ACTN1: variants seen among roughly 807,000 people sequenced by gnomAD.
ACTN1 encodes the protein actinin alpha 1.
In ACTN1, 30 loss-of-function variants were observed where a neutral mutation model predicts 119.6. The ratio of observed to expected loss-of-function variants is 0.25; its 90% CI spans 0.19 to 0.34. The LOEUF (loss-of-function observed/expected upper bound fraction) is 0.34. ACTN1 is among the 10% of genes least tolerant of loss of function. ACTN1 has a pLI of 1.00. For synonymous variants in ACTN1, 429 were observed against 472.6 expected, an observed-to-expected ratio of 0.91 and a Z score of 1.20; for missense variants, 764 against 1,223.4, an observed-to-expected ratio of 0.62 and a Z score of 5.60.
chr14:68,979,291 T>C lies in ACTN1; in HGVS notation c.-235A>G, dbSNP rs1314517489. ...TCTGGGCGGGCGCTTGGACCTAATC[T>C]CCACGCACACTGAACTAGGCGGACA... On this transcript the variant is annotated 5_prime_UTR_variant, in exon 1 of 22. Coordinates refer to ENST00000394419, the MANE Select transcript of ACTN1 (RefSeq NM_001130004.2). 4 of 217,856 alleles carry C rather than the reference T, an allele frequency of 1.8e-5. No homozygotes were observed. Among genetic ancestry groups the C allele is most frequent in the Non-Finnish European group, 2.5e-5 (3 of 117,882 alleles). 13.5% of individuals were successfully genotyped at this position (217,856 alleles called of 1,614,324 possible). A position where few individuals can be genotyped will look rare whatever the true frequency, so the allele number is the denominator to read the frequency against.
At chr14:68,958,443 G>A (rs995513039) in intron 1 of ACTN1, among the ~76,000 whole-genome samples, 1 of 151,994 alleles carries the variant, frequency 6.6e-6, no homozygotes, top group Non-Finnish European at 1.5e-5. Flanking sequence ...TAGAATTTCT[G>A]CTAATTCTTA....
intron 7 of ACTN1, among the ~76,000 whole-genome samples, chr14:68,903,226 C>A (rs1210113441): frequency 1.3e-5 from 2 of 152,170 alleles, no homozygotes; most frequent in African/African-American, 4.8e-5. Context: ...ATTCTTTCTG[C>A]TTTTGCCTGG....
intron 8 of ACTN1, among the ~76,000 whole-genome samples, chr14:68,898,410 C>T (rs960264221): frequency 3.9e-5 from 6 of 152,238 alleles, no homozygotes; most frequent in Non-Finnish European, 8.8e-5. Flanking sequence ...CCTGTACAGG[C>T]ACACGAGCTG....
At chr14:68,949,557 A>G (rs2036060858) in intron 1 of ACTN1, among the ~76,000 whole-genome samples, 1 of 152,228 alleles carries the variant, frequency 6.6e-6, no homozygotes, top group African/African-American at 2.4e-5. Context: ...GGTGCCTGAG[A>G]AGCACAACCA....
At chr14:68,959,122 G>C (rs1352716119) in intron 1 of ACTN1, among the ~76,000 whole-genome samples, 10 of 152,154 alleles carry the variant, frequency 6.6e-5, no homozygotes, top group African/African-American at 1.9e-4. Context: ...CTCAGAGCCA[G>C]GAGTCCACAC....
chr14:68,882,395 G>A lies in ACTN1; in HGVS notation c.1953+63C>T. On this transcript the variant is annotated intron_variant, in intron 16 of 21. Transcript: ENST00000394419. The surrounding 1 kb of genome is among the most constrained non-coding windows in gnomAD (Gnocchi z 4.5). ...CCCAGGGAGACAGGCAGCCTGGCTG[G>A]CTAGGATAGTGTCGGGGGGGAGGGG... The A allele has an allele frequency of 6.3e-7, 1 of 1,581,278 alleles. No individual in the cohort carries two copies. The highest frequency in any genetic ancestry group is 1.1e-5 in the South Asian group (1 of 87,044).
chr14:68,969,370 CACAATTCA>C (rs755943671), intron 1 of ACTN1, among the ~76,000 whole-genome samples: 12 of 152,206 alleles, frequency 7.9e-5, no homozygotes, highest in Non-Finnish European at 5.9e-5. Context: ...TCCAGGAAAA[CACAATTCA>C]TAAGCCACCT....
At chr14:68,898,450 G>C (rs942682665) in intron 8 of ACTN1, among the ~76,000 whole-genome samples, 1 of 152,202 alleles carries the variant, frequency 6.6e-6, no homozygotes, top group African/African-American at 2.4e-5. Context: ...CACATTAGGC[G>C]CTGTTGCCTT....
intron 2 of ACTN1, among the ~76,000 whole-genome samples, chr14:68,923,758 T>C (rs1032979004): frequency 6.6e-6 from 1 of 151,986 alleles, no homozygotes; most frequent in Non-Finnish European, 1.5e-5. Context: ...TTGGGGAATA[T>C]ACAAAAAAAG....
chr14:68,910,055 G>C lies in ACTN1; in HGVS notation c.428-13C>G, dbSNP rs1405204266. Reference sequence around the variant, plus strand: ...TTGGCTGAAGTCTCTATGGGGAAGGGGATGGGCAGCGAGGTCAGAGGGCTG... The same window carrying C: ...TTGGCTGAAGTCTCTATGGGGAAGGCGATGGGCAGCGAGGTCAGAGGGCTG... On this transcript the variant is annotated splice_polypyrimidine_tract_variant and intron_variant, in intron 4 of 21. Coordinates refer to ENST00000394419, the MANE Select transcript of ACTN1 (RefSeq NM_001130004.2). 1 of 1,611,168 alleles carries C rather than the reference G, an allele frequency of 6.2e-7. No homozygotes were observed.
At chr14:68,912,481 C>T (rs1594803519) in intron 3 of ACTN1, among the ~76,000 whole-genome samples, 1 of 152,122 alleles carries the variant, frequency 6.6e-6, no homozygotes, top group South Asian at 2.1e-4. Flanking sequence ...TGGGCTCAAG[C>T]GATCCTCCCA....
In ACTN1 at chr14:68,885,328, C is replaced by T. The variant is rs2031904244; in HGVS notation, c.1385+97G>A. 1.5e-6 allele frequency: 2 copies of T among 1,360,718 alleles called. No homozygotes were observed. The highest frequency in any genetic ancestry group is 1.4e-5 in the South Asian group (1 of 73,116). The allele number at this position is 1,360,718 out of a possible 1,614,324, so 84.3% of individuals were successfully genotyped here. A position where few individuals can be genotyped will look rare whatever the true frequency, so the allele number is the denominator to read the frequency against. ...CTGGGCACCCACCTGTACCCACCCT[C>T]CCCATCTTCCACGGCCACACCCCCA... On this transcript the variant is annotated intron_variant, in intron 12 of 21. Transcript: ENST00000394419. The surrounding 1 kb of genome is among the most constrained non-coding windows in gnomAD (Gnocchi z 5.6).
At chr14:68,898,970 CCACA>C (rs1418103282) in intron 8 of ACTN1, among the ~76,000 whole-genome samples, 2 of 149,432 alleles carry the variant, frequency 1.3e-5, no homozygotes, top group Middle Eastern at 3.5e-3. Flanking sequence ...CACACACACA[CCACA>C]CACGCCACAC....
chr14:68,949,025 A>G (rs553761369), intron 1 of ACTN1, among the ~76,000 whole-genome samples: 14 of 152,374 alleles, frequency 9.2e-5, no homozygotes, highest in African/African-American at 3.4e-4. Flanking sequence ...GAAAGCAGGC[A>G]TCAGGACAGG....
intron 1 of ACTN1, among the ~76,000 whole-genome samples, chr14:68,929,624 GC>G (rs1292813993): frequency 1.3e-5 from 2 of 151,712 alleles, no homozygotes; most frequent in Non-Finnish European, 2.9e-5. Flanking sequence ...CTTCAGGGAT[GC>G]CGAGAGGTCC....
At chr14:68,934,597 C>T (rs1242588700) in intron 1 of ACTN1, among the ~76,000 whole-genome samples, 1 of 152,206 alleles carries the variant, frequency 6.6e-6, no homozygotes, top group African/African-American at 2.4e-5. Context: ...AATTCTGGGC[C>T]ACCATCCTGA....
chr14:68,932,931 G>GT (rs2035294022), intron 1 of ACTN1, among the ~76,000 whole-genome samples: 1 of 152,062 alleles, frequency 6.6e-6, no homozygotes, highest in Non-Finnish European at 1.5e-5. Context: ...GCCACAGATC[G>GT]TAATAACAGC....
chr14:68,954,419 C>T (rs2140560416), intron 1 of ACTN1, among the ~76,000 whole-genome samples: 1 of 152,298 alleles, frequency 6.6e-6, no homozygotes, highest in Non-Finnish European at 1.5e-5. Flanking sequence ...CCTCCGCCTT[C>T]CAGTTTCAAG....
At chr14:68,883,764 T>C (rs953403518) in intron 14 of ACTN1, among the ~76,000 whole-genome samples, 1 of 152,018 alleles carries the variant, frequency 6.6e-6, no homozygotes, top group African/African-American at 2.4e-5. Flanking sequence ...GGTGACAGAG[T>C]GAGACCTTGT....
Sources: allele counts gnomAD v4.1 joint callset (sites outside exome capture counted in the v4.1 genomes callset), GRCh38; gene constraint gnomAD v4.1.1; non-coding constraint Gnocchi (gnomAD v3.1); transcripts MANE v1.5; gene names NCBI Gene and HGNC (gene_info 2026-07-23, HGNC 2026-07-21).